The following PALS1 variants were observed in gnomAD, a reference collection of about 807,000 sequenced individuals.
PALS1 encodes protein associated with LIN7 1, MAGUK p55 family member.
Under a neutral mutation model 78.9 loss-of-function variants are expected in PALS1, and 31 were observed. That is an observed-to-expected ratio of 0.39 (90% CI 0.30 to 0.53). The LOEUF (loss-of-function observed/expected upper bound fraction) is 0.53. PALS1 is among the 20% of genes least tolerant of loss of function. The pLI is 0.67. For missense variants in PALS1, 704 were observed against 826.5 expected (o/e 0.85, Z 1.82); for synonymous variants, 276 against 270.9 (o/e 1.02, Z -0.18).
intron 14 of PALS1, among the ~76,000 whole-genome samples, chr14:67,330,150 TAATA>T (rs1566586897): frequency 7.1e-6 from 1 of 140,294 alleles, no homozygotes; most frequent in African/African-American, 2.6e-5. Context: ...ATAATAATAA[TAATA>T]ATTATTATTA....
intron 4 of PALS1, among the ~76,000 whole-genome samples, chr14:67,298,515 C>CA (rs59351794): frequency 0.12 from 14,201 of 120,518 alleles, 1,203 homozygotes; most frequent in African/African-American, 0.25. Flanking sequence ...AACTCCGTCT[C>CA]AAAAAAAAAA....
intron 4 of PALS1, among the ~76,000 whole-genome samples, chr14:67,293,793 AT>A (rs1185839551): frequency 6.6e-6 from 1 of 152,194 alleles, no homozygotes; most frequent in Non-Finnish European, 1.5e-5. Flanking sequence ...AGAATACAAA[AT>A]AAATCATTAT....
chr14:67,286,855 CAAAA>C (rs201923149), intron 3 of PALS1, among the ~76,000 whole-genome samples: 5 of 67,222 alleles, frequency 7.4e-5, no homozygotes, highest in Admixed American at 1.6e-4. Context: ...GACCTGGTCT[CAAAA>C]AAAAAAAAAA....
At chr14:67,269,461 T>C (rs1393291108) in intron 1 of PALS1, among the ~76,000 whole-genome samples, 2 of 152,186 alleles carry the variant, frequency 1.3e-5, no homozygotes, top group Non-Finnish European at 2.9e-5. Flanking sequence ...CAATGTGTTA[T>C]TGGAAAGTTT....
At chr14:67,267,550 A>G (rs774723890) in intron 1 of PALS1, among the ~76,000 whole-genome samples, 22 of 152,224 alleles carry the variant, frequency 1.4e-4, no homozygotes, top group Non-Finnish European at 2.1e-4. Flanking sequence ...TGCACCCAGC[A>G]AAATTCAGTA....
At chr14:67,262,522 T>G (rs1462262771) in intron 1 of PALS1, among the ~76,000 whole-genome samples, 1 of 152,140 alleles carries the variant, frequency 6.6e-6, no homozygotes, top group Non-Finnish European at 1.5e-5. Flanking sequence ...TTGTTTGAAG[T>G]GATCACTTTT....
At chr14:67,316,643 G>T (rs1298833849) in intron 9 of PALS1, among the ~76,000 whole-genome samples, 189 bp from the exon 10 acceptor site, 2 of 152,036 alleles carry the variant, frequency 1.3e-5, no homozygotes, top group African/African-American at 4.8e-5. Flanking sequence ...GATTGATTGA[G>T]CAGAGTTAAT....
At chr14:67,262,166 A>T (rs1222799327) in intron 1 of PALS1, among the ~76,000 whole-genome samples, 1 of 152,162 alleles carries the variant, frequency 6.6e-6, no homozygotes, top group African/African-American at 2.4e-5. Flanking sequence ...CAAATGAGAT[A>T]ATATACTTGG....
intron 1 of PALS1, 114 bp from the exon 2 acceptor site, chr14:67,269,587 A>G (rs185366914): frequency 6.6e-6 from 1 of 152,642 alleles, no homozygotes; most frequent in East Asian, 1.9e-4. Context: ...AATCCTAGCT[A>G]TCTGCAGACA....
At chr14:67,322,503 C>T (rs2085277409) in intron 13 of PALS1, among the ~76,000 whole-genome samples, 1 of 152,126 alleles carries the variant, frequency 6.6e-6, no homozygotes, top group South Asian at 2.1e-4. Context: ...AATTAGGCAA[C>T]ATAGTCAGTG....
intron 4 of PALS1, among the ~76,000 whole-genome samples, chr14:67,300,512 G>A (rs2084916439): frequency 6.6e-6 from 1 of 152,092 alleles, no homozygotes; most frequent in Non-Finnish European, 1.5e-5. Context: ...ATTTTTAGTA[G>A]AGACAGTATT....
chr14:67,301,811 G>A (rs1199548800), intron 5 of PALS1, among the ~76,000 whole-genome samples, 161 bp from the exon 6 acceptor site: 2 of 152,074 alleles, frequency 1.3e-5, no homozygotes, highest in East Asian at 1.9e-4. Context: ...CCATTCCAGA[G>A]TATGCCCTTA....
rs1329419021 is a variant in PALS1 at position 67,284,438 on chromosome 14, A to AAAAAAAAAAAAAAAAAAC, written c.367+4907_367+4908insAAAAAAAAAAACAAAAAA. Among the ~76,000 whole-genome samples the AAAAAAAAAAAAAAAAAAC allele has an allele frequency of 3.0e-3, 432 of 145,750 alleles. 8 individuals carry two copies. The highest frequency in any genetic ancestry group is 4.9e-3 in the Non-Finnish European group (322 of 65,576). ...CATAGACCCTATCTCTTAAAAAAAA[A>AAAAAAAAAAAAAAAAAAC]AAAAAACAGCTGGGCATGGTGGTAT... On this transcript the variant is annotated intron_variant, in intron 3 of 14. Transcript: ENST00000261681.
At chr14:67,330,624 A>G (rs543765860) in intron 14 of PALS1, among the ~76,000 whole-genome samples, 4 of 151,764 alleles carry the variant, frequency 2.6e-5, no homozygotes, top group African/African-American at 9.7e-5. Flanking sequence ...ACGCCCAGCT[A>G]ATTTTGTATT....
rs2085515380 is a variant in PALS1 at position 67,335,425 on chromosome 14, T to A, written c.*2469T>A. On this transcript the variant is annotated 3_prime_UTR_variant, in exon 15 of 15. Coordinates refer to ENST00000261681, the MANE Select transcript of PALS1 (RefSeq NM_022474.4). ...CCATTTAATATAGAAATGATATCAA[T>A]AACTAATGCTATGTACTTGGAAAAT... 6.6e-6 allele frequency: 1 copy of A among 152,318 alleles called. No individual in the cohort carries two copies. The highest frequency in any genetic ancestry group is 2.1e-4 in the South Asian group (1 of 4,836). The allele number at this position is 152,318 out of a possible 1,614,324, so 9.4% of individuals were successfully genotyped here.
intron 3 of PALS1, 150 bp downstream of exon 3, chr14:67,279,687 T>C: frequency 1.4e-6 from 1 of 696,136 alleles, no homozygotes; most frequent in Non-Finnish European, 2.2e-6. Context: ...GGAAACGCCG[T>C]ATAACTATTG....
rs1259901103 is a variant in PALS1 at position 67,292,503 on chromosome 14, T to A, written c.368-8T>A. The A allele has an allele frequency of 3.8e-5, 60 of 1,581,542 alleles. No homozygotes were observed. The highest frequency in any genetic ancestry group is 4.9e-5 in the Non-Finnish European group (57 of 1,152,818). On this transcript the variant is annotated splice_region_variant and splice_polypyrimidine_tract_variant and intron_variant, in intron 3 of 14. Transcript: ENST00000261681. ...TTAATTTTTGGATACCTTTTCTTCTTCTACTAGAAATAGAAGACTTGTTTT... is the reference window on the plus strand; with the variant it reads ...TTAATTTTTGGATACCTTTTCTTCTACTACTAGAAATAGAAGACTTGTTTT...
intron 3 of PALS1, among the ~76,000 whole-genome samples, chr14:67,281,379 A>G (rs994279894): frequency 6.6e-6 from 1 of 152,174 alleles, no homozygotes; most frequent in African/African-American, 2.4e-5. Flanking sequence ...AGTGAAAGCT[A>G]AAAGATTACA....
rs2085525740 is a variant in PALS1, at chr14:67,335,937, A to AAAAT, written c.*2983_*2986dup. On this transcript the variant is annotated 3_prime_UTR_variant, in exon 15 of 15. Coordinates refer to ENST00000261681, the MANE Select transcript of PALS1 (RefSeq NM_022474.4). ...CCATTGGATCCTCCAGCTACAACAC[A>AAAAT]AAATACTTTTTGATTTGTTCTTTAC... 1 of 152,238 alleles carries AAAAT rather than the reference A, an allele frequency of 6.6e-6. No individual in the cohort carries two copies. The highest frequency in any genetic ancestry group is 1.5e-5 in the Non-Finnish European group (1 of 68,048). The allele number at this position is 152,238 out of a possible 1,614,324, so 9.4% of individuals were successfully genotyped here. A position where few individuals can be genotyped will look rare whatever the true frequency, so the allele number is the denominator to read the frequency against.
Sources: gnomAD v4.1 joint callset for allele counts (sites outside exome capture counted in the v4.1 genomes callset) on GRCh38, gnomAD v4.1.1 for gene constraint, MANE v1.5 for transcripts, NCBI Gene and HGNC (gene_info 2026-07-23, HGNC 2026-07-21) for gene names.